Variants in BCAS3 observed in about 807,000 individuals in gnomAD.
BCAS3 encodes BCAS3 microtubule associated cell migration factor.
Under a neutral mutation model 116.1 loss-of-function variants are expected in BCAS3, and 53 were observed. The observed-to-expected ratio is 0.46, with a 90% CI of 0.37 to 0.57. The LOEUF is 0.57. BCAS3 is among the 20% of genes least tolerant of loss of function. The probability of loss-of-function intolerance (pLI) is 0.00; values close to 1 mark genes in which losing one functional copy is unlikely to be tolerated. For synonymous variants in BCAS3, 391 were observed against 408.2 expected (o/e 0.96, Z 0.51); for missense variants, 917 against 1,165.4 (o/e 0.79, Z 3.10).
intron 8 of BCAS3, among the ~76,000 whole-genome samples, chr17:60,869,253 A>G (rs1224564501): frequency 1.3e-5 from 2 of 152,220 alleles, no homozygotes; most frequent in African/African-American, 4.8e-5. Flanking sequence ...CTCTACTGCT[A>G]ATGACAAATT....
intron 13 of BCAS3, among the ~76,000 whole-genome samples, chr17:60,932,836 T>C (rs2059730176): frequency 6.7e-6 from 1 of 149,406 alleles, no homozygotes; most frequent in Admixed American, 6.7e-5. Flanking sequence ...CAGATACATA[T>C]CACAGATAAC....
chr17:61,327,602 C>T lies in BCAS3; in HGVS notation c.2426-40725C>T, dbSNP rs1462889158. 6.6e-6 allele frequency among the ~76,000 whole-genome samples: 1 copy of T among 151,954 alleles called. No homozygotes were observed. Among genetic ancestry groups the T allele is most frequent in the Admixed American group, 6.6e-5 (1 of 15,254 alleles). ...TTGGCTTACTGCAACCTCCGCCTCCCGGGTTCAAGACATTCTCCTGCCTCA... is the reference window on the plus strand; with the variant it reads ...TTGGCTTACTGCAACCTCCGCCTCCTGGGTTCAAGACATTCTCCTGCCTCA... On this transcript the variant is annotated intron_variant, in intron 22 of 23. Transcript: ENST00000407086. This position sits in a 1 kb window ranked among gnomAD's most constrained non-coding sequence, Gnocchi z 5.9.
At chr17:61,245,687 T>A (rs2047884054) in intron 22 of BCAS3, among the ~76,000 whole-genome samples, 2 of 152,178 alleles carry the variant, frequency 1.3e-5, no homozygotes, top group African/African-American at 4.8e-5. Context: ...ATTCAAGTGG[T>A]TTCAGATGGT....
chr17:61,371,721 T>C (rs4968556), intron 23 of BCAS3, among the ~76,000 whole-genome samples: 29,677 of 152,122 alleles, frequency 0.2, 3,426 homozygotes, highest in East Asian at 0.44. Context: ...AAAAAATATA[T>C]ATTTTTTTAA....
chr17:61,272,564 AGG>A (rs1307260443), intron 22 of BCAS3, among the ~76,000 whole-genome samples: 2 of 133,330 alleles, frequency 1.5e-5, no homozygotes, highest in East Asian at 2.6e-4. Context: ...GCTTGAGCCC[AGG>A]AGGTCAAGGT....
At chr17:61,267,305 C>T (rs2049817907) in intron 22 of BCAS3, among the ~76,000 whole-genome samples, 1 of 152,064 alleles carries the variant, frequency 6.6e-6, no homozygotes, top group African/African-American at 2.4e-5. Flanking sequence ...GATCCGCTCC[C>T]CTCGGCCTTC....
Position 61,098,710 on chromosome 17 carries a change from A to G in BCAS3, c.2425+14146A>G, listed in dbSNP as rs1346543407. ...TACTGATAGCAATTCTTAAGTCTCT[A>G]AATGTTTTTACGTTGTTGTGATCAG... On this transcript the variant is annotated intron_variant, in intron 22 of 23. Coordinates refer to ENST00000407086, the MANE Select transcript of BCAS3 (RefSeq NM_017679.5). The surrounding 1 kb of genome is among the most constrained non-coding windows in gnomAD (Gnocchi z 4.2). Among the ~76,000 whole-genome samples, 1 of 152,208 alleles carries G rather than the reference A, an allele frequency of 6.6e-6. No homozygotes were observed. Among genetic ancestry groups the G allele is most frequent in the Non-Finnish European group, 1.5e-5 (1 of 68,040 alleles).
In BCAS3 at chr17:61,101,925, G is replaced by A. The variant is rs117819525; in HGVS notation, c.2425+17361G>A. Among the ~76,000 whole-genome samples the A allele has an allele frequency of 9.9e-5, 15 of 152,242 alleles. 1 individual carries two copies. In the East Asian group the frequency reaches 2.9e-3, roughly 29 times the overall value. On this transcript the variant is annotated intron_variant, in intron 22 of 23. Transcript: ENST00000407086. ...ATCTGCAAAACGGTGACTAGGTTTT[G>A]CCTTCTAGTTAGTTGATATGATAAA...
At chr17:61,317,672 G>A (rs1036758012) in intron 22 of BCAS3, among the ~76,000 whole-genome samples, 1 of 152,204 alleles carries the variant, frequency 6.6e-6, no homozygotes, top group South Asian at 2.1e-4. Context: ...AGACAAGACC[G>A]ATTTGGGTGG....
rs1194788528 is a variant in BCAS3 at position 60,995,302 on chromosome 17, G to A, written c.1486+5067G>A. Among the ~76,000 whole-genome samples, 9 of 151,946 alleles carry A rather than the reference G, an allele frequency of 5.9e-5. No individual in the cohort carries two copies. The highest frequency in any genetic ancestry group is 6.6e-5 in the Admixed American group (1 of 15,246). On this transcript the variant is annotated intron_variant, in intron 15 of 23. Transcript: ENST00000407086. The surrounding 1 kb of genome is among the most constrained non-coding windows in gnomAD (Gnocchi z 4.7). Reference sequence around the variant, plus strand: ...CAAGTAGCTGGGATTACAGGTGCCCGCCACCATGCCTGGCTAATTTTTGTA... The same window carrying A: ...CAAGTAGCTGGGATTACAGGTGCCCACCACCATGCCTGGCTAATTTTTGTA...
In BCAS3 at chr17:61,279,422, A is replaced by G. The variant is rs1028454407; in HGVS notation, c.2426-88905A>G. Among the ~76,000 whole-genome samples, 1 of 152,086 alleles carries G rather than the reference A, an allele frequency of 6.6e-6. No homozygotes were observed. The highest frequency in any genetic ancestry group is 1.5e-5 in the Non-Finnish European group (1 of 68,024). Reference sequence around the variant, plus strand: ...TTGTGGGCAGGTTTGTGCACAGATCAGGGGTTCCATTCCATTCCTTATTAT... The same window carrying G: ...TTGTGGGCAGGTTTGTGCACAGATCGGGGGTTCCATTCCATTCCTTATTAT... On this transcript the variant is annotated intron_variant, in intron 22 of 23. Coordinates refer to ENST00000407086, the MANE Select transcript of BCAS3 (RefSeq NM_017679.5). The surrounding 1 kb of genome is among the most constrained non-coding windows in gnomAD (Gnocchi z 4.4).
At chr17:61,166,091 A>C (rs886895265) in intron 22 of BCAS3, among the ~76,000 whole-genome samples, 8 of 152,202 alleles carry the variant, frequency 5.3e-5, no homozygotes, top group African/African-American at 1.9e-4. Flanking sequence ...GAATCTCATA[A>C]GTTTTTCCCT....
rs899666796 is a variant in BCAS3 at position 61,241,042 on chromosome 17, C to T, written c.2426-127285C>T. ...GCCATGAGAAACCTTCTAGAGCTTC[C>T]GCCCCCTCAGTTCTCACTCTCCATC... On this transcript the variant is annotated intron_variant, in intron 22 of 23. Coordinates refer to ENST00000407086, the MANE Select transcript of BCAS3 (RefSeq NM_017679.5). The surrounding 1 kb of genome is among the most constrained non-coding windows in gnomAD (Gnocchi z 4.6). 1.3e-5 allele frequency among the ~76,000 whole-genome samples: 2 copies of T among 152,166 alleles called. No homozygotes were observed. Among genetic ancestry groups the T allele is most frequent in the Non-Finnish European group, 2.9e-5 (2 of 68,040 alleles).
rs1170881131 is a variant in BCAS3 at position 61,073,863 on chromosome 17, A to G, written c.2030-1057A>G. Reference sequence around the variant, plus strand: ...GGTGGTTCATGCCTGTAATCCCAGCACTCTGAGAGCCAAAGCCAGAGGATC... The same window carrying G: ...GGTGGTTCATGCCTGTAATCCCAGCGCTCTGAGAGCCAAAGCCAGAGGATC... On this transcript the variant is annotated intron_variant, in intron 19 of 23. Coordinates refer to ENST00000407086, the MANE Select transcript of BCAS3 (RefSeq NM_017679.5). The surrounding 1 kb of genome is among the most constrained non-coding windows in gnomAD (Gnocchi z 4.6). Among the ~76,000 whole-genome samples the G allele has an allele frequency of 6.6e-6, 1 of 151,988 alleles. No individual in the cohort carries two copies. Among genetic ancestry groups the G allele is most frequent in the Non-Finnish European group, 1.5e-5 (1 of 67,998 alleles).
At chr17:61,142,150 C>T (rs2076959112) in intron 22 of BCAS3, among the ~76,000 whole-genome samples, 1 of 151,432 alleles carries the variant, frequency 6.6e-6, no homozygotes, top group East Asian at 1.9e-4. Flanking sequence ...CTGTATATAC[C>T]TTATCTCATT....
chr17:60,941,022 C>G (rs758920653), intron 13 of BCAS3, among the ~76,000 whole-genome samples: 1 of 152,216 alleles, frequency 6.6e-6, no homozygotes. Flanking sequence ...CCACAAAAGC[C>G]TTAATGTTCA....
rs147536180 is a variant in BCAS3 at position 61,037,866 on chromosome 17, G to C, written c.1763-23G>C. On this transcript the variant is annotated intron_variant, in intron 17 of 23. Transcript: ENST00000407086. The surrounding 1 kb of genome is among the most constrained non-coding windows in gnomAD (Gnocchi z 4.7). The stretch of plus-strand genomic sequence containing the variant: ...TCCATTTATGCCATCATAACACATC[G>C]GGTTCTGTTTCTCTGTTTGTAGATC... 1,194 of 1,606,592 alleles carry C rather than the reference G, an allele frequency of 7.4e-4. 10 individuals are homozygous for C. In the African/African-American group the frequency reaches 0.014, roughly 18 times the overall value.
chr17:61,090,089 C>A (rs1386053326), intron 22 of BCAS3, among the ~76,000 whole-genome samples: 2 of 152,172 alleles, frequency 1.3e-5, no homozygotes, highest in African/African-American at 4.8e-5. Context: ...ACCTTCAAGT[C>A]ATTCTCCTAC....
intron 5 of BCAS3, among the ~76,000 whole-genome samples, chr17:60,723,711 CTTTTTTTTTTTTTTT>C (rs549083159): frequency 1.1e-5 from 1 of 88,896 alleles, no homozygotes; most frequent in South Asian, 4.5e-4. Context: ...CACTTTCTTT[CTTTTTTTTTTTTTTT>C]TTTTTTTTTT....
Sources: allele counts gnomAD v4.1 joint callset (sites outside exome capture counted in the v4.1 genomes callset), GRCh38; gene constraint gnomAD v4.1.1; non-coding constraint Gnocchi (gnomAD v3.1); transcripts MANE v1.5; gene names NCBI Gene and HGNC (gene_info 2026-07-23, HGNC 2026-07-21).